The following COBL variants were observed in gnomAD, a reference collection of about 807,000 sequenced individuals.
The protein encoded by COBL is protein cordon-bleu.
Under a neutral mutation model 98.8 loss-of-function variants are expected in COBL, and 51 were observed. The ratio of observed to expected loss-of-function variants is 0.52; its 90% CI spans 0.41 to 0.65. The LOEUF (loss-of-function observed/expected upper bound fraction) is 0.65. COBL is among the 30% of genes least tolerant of loss of function. The pLI is 0.00. For synonymous variants in COBL, 634 were observed against 651.7 expected (o/e 0.97, Z 0.41); for missense variants, 1,617 against 1,617.5 (o/e 1.00, Z 0.01).
chr7:51,110,766 A>G (rs9969235), intron 6 of COBL, among the ~76,000 whole-genome samples: 10,433 of 152,280 alleles, frequency 0.069, 554 homozygotes, highest in East Asian at 0.33. Context: ...TAGCTCCCAC[A>G]TATCAGTGAG....
At chr7:51,167,169 G>C (rs200127956) in intron 5 of COBL, among the ~76,000 whole-genome samples, 2 of 152,122 alleles carry the variant, frequency 1.3e-5, no homozygotes, top group Admixed American at 6.5e-5. Flanking sequence ...AATTATCCTT[G>C]TTTGCAGATG....
In COBL at chr7:51,177,511, C is replaced by T. The variant is rs753254645; in HGVS notation, c.783+6591G>A. Among the ~76,000 whole-genome samples, 21 of 152,172 alleles carry T rather than the reference C, an allele frequency of 1.4e-4. No individual in the cohort carries two copies. In the South Asian group the frequency reaches 2.5e-3, roughly 18 times the overall value. ...GATTATAGCCAGGTGCAGTGGCTCACGCCTGTAATCCCAGCACTCTGGGGG... is the reference window on the plus strand; with the variant it reads ...GATTATAGCCAGGTGCAGTGGCTCATGCCTGTAATCCCAGCACTCTGGGGG... On this transcript the variant is annotated intron_variant, in intron 5 of 12. Transcript: ENST00000265136.
intron 8 of COBL, among the ~76,000 whole-genome samples, chr7:51,043,147 A>G (rs1185161626): frequency 6.6e-6 from 1 of 152,206 alleles, no homozygotes; most frequent in Non-Finnish European, 1.5e-5. Flanking sequence ...AGAAAAATAT[A>G]CTTAAGGGTA....
At chr7:51,089,284 CG>C (rs1472466945) in intron 6 of COBL, among the ~76,000 whole-genome samples, 4 of 151,982 alleles carry the variant, frequency 2.6e-5, no homozygotes, top group Admixed American at 6.6e-5. Flanking sequence ...GAGGCTGAGG[CG>C]GGTGGATTAC....
At chr7:51,137,772 G>C (rs1002391631) in intron 5 of COBL, among the ~76,000 whole-genome samples, 1 of 152,126 alleles carries the variant, frequency 6.6e-6, no homozygotes. Flanking sequence ...TTCCTGGTAG[G>C]TGGAGGGCCC....
At chr7:51,158,723 G>A (rs1255928692) in intron 5 of COBL, among the ~76,000 whole-genome samples, 2 of 152,184 alleles carry the variant, frequency 1.3e-5, no homozygotes, top group Admixed American at 1.3e-4. Flanking sequence ...GCAAAAGTCG[G>A]GGAGGAAACA....
chr7:51,080,407 G>A (rs1357603072), intron 7 of COBL, among the ~76,000 whole-genome samples: 1 of 152,208 alleles, frequency 6.6e-6, no homozygotes, highest in Non-Finnish European at 1.5e-5. Context: ...AAGCCACAGT[G>A]TCCCCTGGGA....
chr7:51,053,036 G>A (rs978319674), intron 7 of COBL, among the ~76,000 whole-genome samples: 1 of 152,138 alleles, frequency 6.6e-6, no homozygotes, highest in Non-Finnish European at 1.5e-5. Flanking sequence ...GCCTTTAACT[G>A]CATTTCCTTC....
chr7:51,049,132 T>C (rs147715954), intron 7 of COBL, among the ~76,000 whole-genome samples: 10 of 152,378 alleles, frequency 6.6e-5, no homozygotes, highest in African/African-American at 2.4e-4. Flanking sequence ...ACAACTCAGT[T>C]AGATCCTTTG....
At chr7:51,267,568 A>G (rs993804729) in intron 1 of COBL, among the ~76,000 whole-genome samples, 4 of 152,196 alleles carry the variant, frequency 2.6e-5, no homozygotes, top group Non-Finnish European at 5.9e-5. Flanking sequence ...CACACAAAAA[A>G]AGAACTTTTG....
intron 1 of COBL, among the ~76,000 whole-genome samples, chr7:51,256,221 A>G (rs534657212): frequency 4.1e-4 from 63 of 152,242 alleles, no homozygotes; most frequent in African/African-American, 1.5e-3. Flanking sequence ...TGCCCTGGGT[A>G]CTTTAGCTGG....
chr7:51,121,213 T>C (rs1391221877), intron 6 of COBL, among the ~76,000 whole-genome samples: 1 of 152,230 alleles, frequency 6.6e-6, no homozygotes, highest in Non-Finnish European at 1.5e-5. Flanking sequence ...ATAGCAGCCA[T>C]CCTAATGGGT....
chr7:51,109,417 G>C (rs1000781374), intron 6 of COBL, among the ~76,000 whole-genome samples: 11 of 152,090 alleles, frequency 7.2e-5, no homozygotes, highest in Non-Finnish European at 1.6e-4. Context: ...TTAAAGGTTG[G>C]ATTCTTTGCC....
chr7:51,170,530 T>TATAA (rs34873583), intron 5 of COBL, among the ~76,000 whole-genome samples: 4 of 135,536 alleles, frequency 3.0e-5, no homozygotes, highest in East Asian at 4.4e-4. Context: ...TATATATATA[T>TATAA]AAATATATAT....
intron 1 of COBL, among the ~76,000 whole-genome samples, chr7:51,269,267 G>A (rs917819339): frequency 2.6e-5 from 4 of 152,190 alleles, no homozygotes; most frequent in African/African-American, 9.7e-5. Context: ...GGCAGAAGTG[G>A]CTCATTTTTC....
intron 5 of COBL, among the ~76,000 whole-genome samples, chr7:51,166,407 G>A (rs181618888): frequency 3.9e-5 from 6 of 152,102 alleles, no homozygotes; most frequent in African/African-American, 1.4e-4. Flanking sequence ...GAATCAGGGA[G>A]AAATTTAAAA....
At chr7:51,200,105 A>G (rs1254059583) in intron 2 of COBL, among the ~76,000 whole-genome samples, 2 of 152,214 alleles carry the variant, frequency 1.3e-5, no homozygotes, top group Non-Finnish European at 2.9e-5. Flanking sequence ...GCCAGGAGAC[A>G]ATGGGATGAT....
intron 5 of COBL, among the ~76,000 whole-genome samples, chr7:51,180,082 A>G (rs1788787957): frequency 6.6e-6 from 1 of 152,222 alleles, no homozygotes; most frequent in African/African-American, 2.4e-5. Context: ...TTGTATTTTC[A>G]TTTTATGGCA....
At chr7:51,116,554 A>G (rs1223937556) in intron 6 of COBL, among the ~76,000 whole-genome samples, 1 of 152,190 alleles carries the variant, frequency 6.6e-6, no homozygotes, top group African/African-American at 2.4e-5. Context: ...ATATATTGGA[A>G]GTAATCTTAT....
Sources: allele counts gnomAD v4.1 joint callset (sites outside exome capture counted in the v4.1 genomes callset), GRCh38; gene constraint gnomAD v4.1.1; transcripts MANE v1.5; gene names NCBI Gene and HGNC (gene_info 2026-07-23, HGNC 2026-07-21).